GPM6A: variants seen among roughly 807,000 people sequenced by gnomAD.
The protein encoded by GPM6A is glycoprotein M6A.
In GPM6A, 7 loss-of-function variants were observed where a neutral mutation model predicts 32.1. That is an observed-to-expected ratio of 0.22 (90% CI 0.12 to 0.41). The LOEUF (loss-of-function observed/expected upper bound fraction) is 0.41. Ranked by LOEUF, GPM6A falls within the 10% of genes least tolerant of loss-of-function variation. GPM6A has a pLI of 1.00. For missense variants in GPM6A, 235 were observed against 347.2 expected (o/e 0.68, Z 2.57); for synonymous variants, 130 against 123.4 (o/e 1.05, Z -0.35).
chr4:175,993,133 TG>T (rs1420583408), intron 1 of GPM6A, among the ~76,000 whole-genome samples: 2 of 149,012 alleles, frequency 1.3e-5, no homozygotes, highest in African/African-American at 4.9e-5. Flanking sequence ...CCTCCTTTCC[TG>T]TTTCCCTCCC....
intron 1 of GPM6A, among the ~76,000 whole-genome samples, chr4:175,715,425 G>A (rs917165434): frequency 6.6e-6 from 1 of 152,214 alleles, no homozygotes. Flanking sequence ...GGATGTCCAG[G>A]ATGGTTTCTT....
chr4:175,926,424 G>A (rs1005696428), intron 1 of GPM6A, among the ~76,000 whole-genome samples: 1 of 152,038 alleles, frequency 6.6e-6, no homozygotes, highest in African/African-American at 2.4e-5. Context: ...ATTGGATTGT[G>A]GGAAGAATCT....
At chr4:175,850,259 A>G (rs115344581) in intron 1 of GPM6A, among the ~76,000 whole-genome samples, 170 of 152,318 alleles carry the variant, frequency 1.1e-3, no homozygotes, top group African/African-American at 3.6e-3. Context: ...GAAGTTTATT[A>G]CAATCACCAC....
chr4:175,880,299 A>G (rs924907185), intron 1 of GPM6A, among the ~76,000 whole-genome samples: 3 of 152,144 alleles, frequency 2.0e-5, no homozygotes, highest in Admixed American at 2.0e-4. Context: ...GCCTTGTAGT[A>G]TAGTTTGAAG....
Position 175,690,122 on chromosome 4 carries a change from T to C in GPM6A, c.230+11453A>G, listed in dbSNP as rs150434596. 1.4e-3 allele frequency among the ~76,000 whole-genome samples: 206 copies of C among 152,322 alleles called. 1 individual carries two copies. Among genetic ancestry groups the C allele is most frequent in the African/African-American group, 4.6e-3 (190 of 41,576 alleles). On this transcript the variant is annotated intron_variant, in intron 2 of 6. Coordinates refer to ENST00000393658, the MANE Select transcript of GPM6A (RefSeq NM_201591.3). ...TATTGGTCTGTAAATTACTGTTGAA[T>C]TGATGTTTTATGGGGGACAAGGGCT... is the stretch of plus-strand genomic sequence containing the variant.
At chr4:175,743,882 C>G (rs1731987682) in intron 1 of GPM6A, among the ~76,000 whole-genome samples, 1 of 149,670 alleles carries the variant, frequency 6.7e-6, no homozygotes, top group East Asian at 1.9e-4. Context: ...TAATAACTAT[C>G]AGAATTGAAA....
intron 1 of GPM6A, among the ~76,000 whole-genome samples, chr4:175,952,542 T>C (rs1739849694): frequency 1.3e-5 from 2 of 152,232 alleles, no homozygotes; most frequent in African/African-American, 4.8e-5. Flanking sequence ...GAAAAAATTT[T>C]AAATTCTTCC....
intron 1 of GPM6A, among the ~76,000 whole-genome samples, chr4:175,719,352 C>A (rs1409751264): frequency 6.6e-6 from 1 of 152,050 alleles, no homozygotes; most frequent in Non-Finnish European, 1.5e-5. Context: ...GTGTCTGCCA[C>A]CATGCCTGGC....
intron 1 of GPM6A, among the ~76,000 whole-genome samples, chr4:175,854,079 A>G (rs1475167347): frequency 6.6e-6 from 1 of 152,190 alleles, no homozygotes; most frequent in Admixed American, 6.5e-5. Context: ...GAAATTTTTG[A>G]AAGTTCTGAG....
intron 1 of GPM6A, among the ~76,000 whole-genome samples, chr4:175,866,279 T>A (rs1236624541): frequency 6.6e-6 from 1 of 152,074 alleles, no homozygotes; most frequent in East Asian, 1.9e-4. Context: ...CATTAACACA[T>A]CATAATCATC....
chr4:175,930,425 T>TGGG (rs138781978), intron 1 of GPM6A, among the ~76,000 whole-genome samples: 1,398 of 124,746 alleles, frequency 0.011, 8 homozygotes, highest in Non-Finnish European at 0.016. Context: ...ATCTGTTTTT[T>TGGG]GGGGGGGGGT....
intron 3 of GPM6A, among the ~76,000 whole-genome samples, chr4:175,658,354 A>T (rs1742205268): frequency 1.3e-5 from 2 of 152,076 alleles, no homozygotes; most frequent in Non-Finnish European, 2.9e-5. Flanking sequence ...TTTCAGCTCT[A>T]TGACATTCTG....
intron 1 of GPM6A, among the ~76,000 whole-genome samples, chr4:175,736,923 T>C (rs886794960): frequency 1.3e-4 from 20 of 152,306 alleles, no homozygotes; most frequent in Middle Eastern, 3.4e-3. Flanking sequence ...ATATCTTTGG[T>C]GATGCTGGTG....
rs937462122 is a variant in GPM6A at position 175,670,236 on chromosome 4, T to C, written c.387+3444A>G. On this transcript the variant is annotated intron_variant, in intron 3 of 6. Transcript: ENST00000393658. ...AAAATTCCATAGAGTTTAGTACATT[T>C]GGGAAATCTATTACTTCGAAAGTGT... Among the ~76,000 whole-genome samples, 6 of 152,212 alleles carry C rather than the reference T, an allele frequency of 3.9e-5. 1 individual carries two copies. The highest frequency in any genetic ancestry group is 3.3e-4 in the Admixed American group (5 of 15,274).
intron 3 of GPM6A, among the ~76,000 whole-genome samples, chr4:175,662,917 G>T (rs1742511763): frequency 6.6e-6 from 1 of 152,072 alleles, no homozygotes; most frequent in Admixed American, 6.6e-5. Context: ...ACAATTGGAA[G>T]CAAACATGGT....
At chr4:175,814,814 T>C (rs573204551), upstream of GPM6A, among the ~76,000 whole-genome samples, 2 of 152,270 alleles carry the variant, frequency 1.3e-5, no homozygotes, top group East Asian at 1.9e-4. Flanking sequence ...GGGTAAAATA[T>C]AAAAGAAAAA....
intron 1 of GPM6A, among the ~76,000 whole-genome samples, chr4:175,723,997 A>G (rs1235607508): frequency 6.6e-6 from 1 of 152,226 alleles, no homozygotes; most frequent in African/African-American, 2.4e-5. Flanking sequence ...CAGTATACCT[A>G]TGAGATTCCT....
At chr4:175,926,075 C>T (rs544370381) in intron 1 of GPM6A, among the ~76,000 whole-genome samples, 3 of 152,212 alleles carry the variant, frequency 2.0e-5, no homozygotes, top group South Asian at 4.1e-4. Flanking sequence ...TGGTCTCAAA[C>T]TCCTGACTTC....
intron 1 of GPM6A, among the ~76,000 whole-genome samples, chr4:175,997,640 C>T (rs1741349501): frequency 6.6e-6 from 1 of 151,834 alleles, no homozygotes; most frequent in African/African-American, 2.4e-5. Context: ...GGCTCTTGTA[C>T]CTTGTTCATA....
Sources: allele counts gnomAD v4.1 joint callset (sites outside exome capture counted in the v4.1 genomes callset), GRCh38; gene constraint gnomAD v4.1.1; transcripts MANE v1.5; gene names NCBI Gene and HGNC (gene_info 2026-07-23, HGNC 2026-07-21).